The following ZBTB1 variants were observed in gnomAD, a reference collection of about 807,000 sequenced individuals.
ZBTB1 encodes zinc finger and BTB domain containing 1.
ZBTB1 carries 13 observed loss-of-function variants against 51.6 expected under a neutral mutation model. The observed-to-expected ratio is 0.25, with a 90% CI of 0.16 to 0.40. The LOEUF (loss-of-function observed/expected upper bound fraction) is 0.40, where lower values mean the gene tolerates loss of function less well. Among genes scored for constraint, ZBTB1 ranks in the 10% least tolerant of loss-of-function variants. ZBTB1 has a pLI of 1.00. For synonymous variants in ZBTB1, 240 were observed against 282.2 expected, an observed-to-expected ratio of 0.85 and a Z score of 1.50; for missense variants, 567 against 856.5, an observed-to-expected ratio of 0.66 and a Z score of 4.22.
chr14:64,520,012 G>GTTT (rs1275284359), intron 1 of ZBTB1, among the ~76,000 whole-genome samples: 2 of 151,656 alleles, frequency 1.3e-5, no homozygotes, highest in African/African-American at 4.9e-5. Context: ...TGTTGTTGTT[G>GTTT]TTGTTTTGAA....
chr14:64,515,757 G>A (rs916361160), intron 1 of ZBTB1, among the ~76,000 whole-genome samples: 2 of 152,002 alleles, frequency 1.3e-5, no homozygotes, highest in Non-Finnish European at 2.9e-5. Context: ...CTGACCTTGT[G>A]ATCCACCCGC....
chr14:64,525,573 T>C (rs886264611), downstream of ZBTB1, among the ~76,000 whole-genome samples: 3 of 152,184 alleles, frequency 2.0e-5, no homozygotes, highest in Admixed American at 1.3e-4. Flanking sequence ...ATCACTTTTT[T>C]CGTGACTCAT....
At chr14:64,517,781 A>ATATATAT (rs1160337478) in intron 1 of ZBTB1, among the ~76,000 whole-genome samples, 17 of 41,562 alleles carry the variant, frequency 4.1e-4, no homozygotes, top group East Asian at 1.6e-3. Context: ...ATATATATAT[A>ATATATAT]TTTTTTTTTT....
Position 64,522,310 on chromosome 14 carries a change from G to A in ZBTB1, c.806G>A (p.Gly269Asp). The A allele has an allele frequency of 6.2e-7, 1 of 1,614,142 alleles. No homozygotes were observed. The highest frequency in any genetic ancestry group is 8.5e-7 in the Non-Finnish European group (1 of 1,180,026). The change falls in exon 2 of 2, where the codon GGT becomes GAT. Residue 269 changes from glycine to aspartate, a missense_variant. Transcript: ENST00000683701. ...GACAGTAACATCAAAGCTGAATTTG[G>A]TGAAAAAGATTCTTCCAAAACATTT... is the stretch of plus-strand genomic sequence containing the variant. ...GKDSNIKAEF[G>D]EKDSSKTFSA...
In ZBTB1 at chr14:64,523,850, ATTAT is replaced by A; in HGVS notation, c.*207_*210del. 3 of 1,251,766 alleles carry A rather than the reference ATTAT, an allele frequency of 2.4e-6. No homozygotes were observed. Among genetic ancestry groups the A allele is most frequent in the South Asian group, 3.0e-5 (1 of 33,750 alleles). The allele number at this position is 1,251,766 out of a possible 1,614,324, so 77.5% of individuals were successfully genotyped here. ...ATCATTTTTGTTGTTTCTTAATAGA[ATTAT>A]TTGTTTTTAGTTTTTCTTAGCTATG... On this transcript the variant is annotated 3_prime_UTR_variant, in exon 2 of 2. Transcript: ENST00000683701. The surrounding 1 kb of genome is among the most constrained non-coding windows in gnomAD (Gnocchi z 4.5).
chr14:64,532,063 G>C (rs746114435), exon 3 of ZBTB1: 26 of 691,714 alleles, frequency 3.8e-5, no homozygotes, highest in African/African-American at 7.3e-5. Context: ...AGAAAACTCA[G>C]TAAAGATCAC....
upstream of ZBTB1, among the ~76,000 whole-genome samples, chr14:64,504,243 G>C (rs1402575187): frequency 1.3e-5 from 2 of 150,176 alleles, no homozygotes; most frequent in African/African-American, 4.9e-5. Context: ...GAGGCAGCAG[G>C]CCCACGGAAG....
intron 1 of ZBTB1, among the ~76,000 whole-genome samples, chr14:64,517,657 A>G (rs1031050064): frequency 6.9e-6 from 1 of 145,466 alleles, no homozygotes; most frequent in East Asian, 2.0e-4. Flanking sequence ...TGTGGCGTGG[A>G]TTTGTTTTAT....
intron 2 of ZBTB1, among the ~76,000 whole-genome samples, chr14:64,530,283 A>C (rs2079933154): frequency 6.6e-6 from 1 of 152,206 alleles, no homozygotes; most frequent in Non-Finnish European, 1.5e-5. Context: ...TATAAACTAA[A>C]TGACAATAGC....
rs746266990 is a variant in ZBTB1 at position 64,522,581 on chromosome 14, T to A, written c.1077T>A (p.Asp359Glu). 6 of 1,613,656 alleles carry A rather than the reference T, an allele frequency of 3.7e-6. No homozygotes were observed. In the African/African-American group the frequency reaches 8.0e-5, roughly 22 times the overall value. The change falls in exon 2 of 2, where the codon GAT (aspartate) becomes GAA (glutamate). Residue 359 changes from aspartate to glutamate, a missense_variant. Coordinates refer to ENST00000683701, the MANE Select transcript of ZBTB1 (RefSeq NM_001123329.2). ...ACTGTAATGAATCCACTGACAATGA[T>A]GAATTAGAAGATGAACCTGAAGAGC... ...DKDCNESTDN[D>E]ELEDEPEEPF... is the part of the protein sequence containing the mutation.
intron 1 of ZBTB1, among the ~76,000 whole-genome samples, chr14:64,506,425 C>T (rs1457131936): frequency 6.6e-6 from 1 of 152,130 alleles, no homozygotes; most frequent in Admixed American, 6.5e-5. Flanking sequence ...CCCAGCTACT[C>T]AGGAGGCTGA....
intron 1 of ZBTB1, among the ~76,000 whole-genome samples, chr14:64,507,829 C>G (rs992249949): frequency 4.6e-5 from 7 of 152,180 alleles, no homozygotes; most frequent in Non-Finnish European, 8.8e-5. Flanking sequence ...AAAGCAAACC[C>G]TCACCTTTAT....
chr14:64,525,652 T>C (rs2079898298), downstream of ZBTB1, among the ~76,000 whole-genome samples: 1 of 152,198 alleles, frequency 6.6e-6, no homozygotes, highest in South Asian at 2.1e-4. Context: ...CTACCACTTT[T>C]TGAAGAAACG....
At chr14:64,517,783 T>A (rs8007255) in intron 1 of ZBTB1, among the ~76,000 whole-genome samples, 510 of 57,474 alleles carry the variant, frequency 8.9e-3, no homozygotes, top group South Asian at 0.014. Flanking sequence ...ATATATATAT[T>A]TTTTTTTTTT....
At chr14:64,508,286 A>G (rs1297907571) in intron 1 of ZBTB1, among the ~76,000 whole-genome samples, 1 of 152,210 alleles carries the variant, frequency 6.6e-6, no homozygotes, top group Non-Finnish European at 1.5e-5. Flanking sequence ...TTTTGTCTAT[A>G]TGAGATGCAT....
chr14:64,522,409 G>A lies in ZBTB1; in HGVS notation c.905G>A (p.Arg302Lys), dbSNP rs1385426135. The A allele has an allele frequency of 6.2e-7, 1 of 1,613,954 alleles. No individual in the cohort carries two copies. Among genetic ancestry groups the A allele is most frequent in the Non-Finnish European group, 8.5e-7 (1 of 1,180,010 alleles). ...ADDSASTTGS[R>K]KSSTVESEIA... is the part of the protein sequence containing the mutation. The stretch of plus-strand genomic sequence containing the variant: ...GATTCAGCTTCAACCACTGGAAGCA[G>A]AAAAAGTAGCACAGTGGAGTCTGAA... The change falls in exon 2 of 2, where the codon AGA (arginine) becomes AAA (lysine). Residue 302 changes from arginine (R) to lysine (K), a missense_variant. By Grantham distance (26) the Arg-to-Lys change is conservative (BLOSUM62 2). Transcript: ENST00000683701.
chr14:64,512,435 A>G (rs2079734810), intron 1 of ZBTB1, among the ~76,000 whole-genome samples: 3 of 152,208 alleles, frequency 2.0e-5, no homozygotes, highest in Admixed American at 2.0e-4. Context: ...GCTGTATCAC[A>G]CTGCTCCTTG....
downstream of ZBTB1, among the ~76,000 whole-genome samples, chr14:64,529,898 T>C (rs2079930649): frequency 6.6e-6 from 1 of 152,232 alleles, no homozygotes; most frequent in African/African-American, 2.4e-5. Context: ...TAAAAACAAA[T>C]GTTGGTTAGT....
At chr14:64,528,344 C>CTT (rs71123857), downstream of ZBTB1, among the ~76,000 whole-genome samples, 154 of 115,504 alleles carry the variant, frequency 1.3e-3, no homozygotes, top group Middle Eastern at 4.8e-3. Flanking sequence ...TTTTTCTTTT[C>CTT]TTTTTTTTTT....
Sources: allele counts gnomAD v4.1 joint callset (sites outside exome capture counted in the v4.1 genomes callset), GRCh38; gene constraint gnomAD v4.1.1; non-coding constraint Gnocchi (gnomAD v3.1); transcripts MANE v1.5; gene names NCBI Gene and HGNC (gene_info 2026-07-23, HGNC 2026-07-21).